Variants in FSTL5 observed in about 807,000 individuals in gnomAD.
The protein encoded by FSTL5 is follistatin-related protein 5.
In FSTL5, 62 loss-of-function variants were observed where a neutral mutation model predicts 89.1. That is an observed-to-expected ratio of 0.70 (90% CI 0.57 to 0.86). The LOEUF (loss-of-function observed/expected upper bound fraction) is 0.86. FSTL5 is among the 40% of genes least tolerant of loss of function. The pLI is 0.00. For synonymous variants in FSTL5, 383 were observed against 346.2 expected (o/e 1.11, Z -1.18); for missense variants, 1,057 against 1,001.6 (o/e 1.06, Z -0.75).
chr4:161,388,831 C>T (rs1212958786), intron 15 of FSTL5, among the ~76,000 whole-genome samples: 2 of 152,020 alleles, frequency 1.3e-5, no homozygotes, highest in Non-Finnish European at 2.9e-5. Flanking sequence ...GAGACAAGCT[C>T]TCTTTACTCC....
At chr4:161,776,250 T>C (rs983022566) in intron 4 of FSTL5, among the ~76,000 whole-genome samples, 176 bp from the exon 5 acceptor site, 10 of 152,240 alleles carry the variant, frequency 6.6e-5, no homozygotes, top group African/African-American at 2.2e-4. Context: ...CATGGTAGGA[T>C]AGAAAACTTT....
intron 8 of FSTL5, chr4:161,552,659 GA>G (rs1259612584): frequency 2.0e-5 from 3 of 151,588 alleles, no homozygotes; most frequent in African/African-American, 7.3e-5. Context: ...TTATATATAT[GA>G]AAAAATAATA....
chr4:161,445,619 T>TATCTGTTAAAATTG (rs1268457472), intron 15 of FSTL5, among the ~76,000 whole-genome samples: 1 of 152,026 alleles, frequency 6.6e-6, no homozygotes, highest in Non-Finnish European at 1.5e-5. Context: ...ATTTCAAATT[T>TATCTGTTAAAATTG]ATCTGTTAAA....
At chr4:161,479,140 G>C (rs1448319089) in intron 13 of FSTL5, among the ~76,000 whole-genome samples, 1 of 151,968 alleles carries the variant, frequency 6.6e-6, no homozygotes, top group Non-Finnish European at 1.5e-5. Flanking sequence ...AATGTGTTTA[G>C]ATACTAAGTT....
chr4:161,703,210 C>G (rs913338014), intron 6 of FSTL5, among the ~76,000 whole-genome samples: 1 of 151,976 alleles, frequency 6.6e-6, no homozygotes, highest in African/African-American at 2.4e-5. Context: ...TTTCAACGAC[C>G]CAGTCTGTGG....
intron 6 of FSTL5, among the ~76,000 whole-genome samples, chr4:161,740,935 GCTCCTT>G (rs917690466): frequency 4.6e-5 from 7 of 152,106 alleles, no homozygotes; most frequent in African/African-American, 1.7e-4. Flanking sequence ...GTTCATAGAT[GCTCCTT>G]CTCAATGTCT....
chr4:161,890,230 A>T (rs1384373688), intron 4 of FSTL5, among the ~76,000 whole-genome samples: 1 of 152,138 alleles, frequency 6.6e-6, no homozygotes, highest in African/African-American at 2.4e-5. Context: ...TTGGCACCTA[A>T]TGGGTACACA....
intron 3 of FSTL5, among the ~76,000 whole-genome samples, chr4:162,002,817 T>C (rs562537848): frequency 1.3e-5 from 2 of 152,204 alleles, no homozygotes; most frequent in East Asian, 3.9e-4. Flanking sequence ...TGTATGACTC[T>C]AATTTTGCTT....
At chr4:161,962,985 G>C (rs1283003461) in intron 3 of FSTL5, among the ~76,000 whole-genome samples, 2 of 151,960 alleles carry the variant, frequency 1.3e-5, no homozygotes, top group Admixed American at 6.6e-5. Context: ...TTTGGGGTCA[G>C]AACTAACTTT....
chr4:161,721,936 T>G (rs1316788541), intron 6 of FSTL5, among the ~76,000 whole-genome samples: 1 of 152,108 alleles, frequency 6.6e-6, no homozygotes, highest in Non-Finnish European at 1.5e-5. Context: ...GAGCCAGAGG[T>G]CAAAGTAATT....
In FSTL5 at chr4:161,601,329, G is replaced by GAAAAA. The variant is rs35261391; in HGVS notation, c.895-13759_895-13755dup. Reference sequence around the variant, plus strand: ...AGTGACACAAAGTCTTAAATAGTTGGAAAAAAAAAAAAAAAAAAAAAGGCA... The same window carrying GAAAAA: ...AGTGACACAAAGTCTTAAATAGTTGGAAAAAAAAAAAAAAAAAAAAAAAAAAGGCA... On this transcript the variant is annotated intron_variant, in intron 7 of 15. Coordinates refer to ENST00000306100, the MANE Select transcript of FSTL5 (RefSeq NM_020116.5). 3.6e-4 allele frequency among the ~76,000 whole-genome samples: 39 copies of GAAAAA among 107,540 alleles called. 17 individuals carry two copies. The highest frequency in any genetic ancestry group is 4.4e-4 in the Non-Finnish European group (24 of 54,440). 70.6% of individuals were successfully genotyped at this position (107,540 alleles called of 152,430 possible).
intron 3 of FSTL5, among the ~76,000 whole-genome samples, chr4:161,933,651 C>T (rs1315875029): frequency 4.7e-5 from 7 of 149,988 alleles, no homozygotes; most frequent in African/African-American, 1.5e-4. Flanking sequence ...AAAATGGTTA[C>T]AAAAGAAGAA....
At chr4:161,715,234 G>C (rs1363187848) in intron 6 of FSTL5, among the ~76,000 whole-genome samples, 1 of 152,082 alleles carries the variant, frequency 6.6e-6, no homozygotes, top group African/African-American at 2.4e-5. Context: ...CCAAAGTGCA[G>C]AAAGCATATT....
intron 3 of FSTL5, among the ~76,000 whole-genome samples, chr4:161,999,499 C>T (rs1438481369): frequency 2.0e-5 from 3 of 152,032 alleles, no homozygotes; most frequent in South Asian, 4.1e-4. Context: ...AATATCCTTT[C>T]GTGTAGAGTA....
chr4:161,841,686 CTAAT>C (rs768930399), intron 4 of FSTL5, among the ~76,000 whole-genome samples: 48 of 152,254 alleles, frequency 3.2e-4, no homozygotes, highest in African/African-American at 8.7e-4. Flanking sequence ...TATTAAGTGT[CTAAT>C]TAAGTAGTAT....
At chr4:161,789,560 A>G (rs1729387967) in intron 4 of FSTL5, among the ~76,000 whole-genome samples, 1 of 152,168 alleles carries the variant, frequency 6.6e-6, no homozygotes, top group Admixed American at 6.5e-5. Context: ...CATTACCACA[A>G]TTATTTTTTC....
At chr4:161,753,936 G>A (rs1338508722) in intron 6 of FSTL5, among the ~76,000 whole-genome samples, 5 of 151,452 alleles carry the variant, frequency 3.3e-5, no homozygotes, top group African/African-American at 7.3e-5. Flanking sequence ...CAGCTACTCC[G>A]GAGGCTGAGG....
intron 1 of FSTL5, among the ~76,000 whole-genome samples, chr4:162,128,127 T>C (rs1732156593): frequency 6.6e-6 from 1 of 152,156 alleles, no homozygotes; most frequent in Non-Finnish European, 1.5e-5. Context: ...AAGACCTTTC[T>C]CACAGATAAA....
At chr4:161,809,238 T>C (rs1303492798) in intron 4 of FSTL5, among the ~76,000 whole-genome samples, 1 of 151,742 alleles carries the variant, frequency 6.6e-6, no homozygotes, top group Non-Finnish European at 1.5e-5. Flanking sequence ...CAAAACAAAA[T>C]GCAAATCCAA....
Sources: allele counts gnomAD v4.1 joint callset (sites outside exome capture counted in the v4.1 genomes callset), GRCh38; gene constraint gnomAD v4.1.1; transcripts MANE v1.5; gene names NCBI Gene and HGNC (gene_info 2026-07-23, HGNC 2026-07-21).